SLC1A7: variants seen among roughly 807,000 people sequenced by gnomAD.
SLC1A7 encodes solute carrier family 1 member 7, also known as excitatory amino acid transporter 5.
Under a neutral mutation model 47.7 loss-of-function variants are expected in SLC1A7, and 40 were observed. That is an observed-to-expected ratio of 0.84 (90% CI 0.65 to 1.09). The LOEUF is 1.09. Ranked by LOEUF, SLC1A7 falls within the 50% of genes least tolerant of loss-of-function variation. The pLI is 0.00. For missense variants in SLC1A7, 746 were observed against 769.5 expected, an observed-to-expected ratio of 0.97 and a Z score of 0.36; for synonymous variants, 323 against 325.6, an observed-to-expected ratio of 0.99 and a Z score of 0.09.
chr1:53,095,406 C>A (rs2150317425), intron 5 of SLC1A7, among the ~76,000 whole-genome samples: 1 of 152,000 alleles, frequency 6.6e-6, no homozygotes, highest in Middle Eastern at 3.4e-3. Context: ...CCACACCCTG[C>A]CTTGGTACAC....
In SLC1A7 at chr1:53,141,894, G is replaced by A. The variant is rs548026242; in HGVS notation, c.135+421C>T. 4.6e-5 allele frequency among the ~76,000 whole-genome samples: 7 copies of A among 152,138 alleles called. No homozygotes were observed. In the South Asian group the frequency reaches 6.2e-4, roughly 14 times the overall value. On this transcript the variant is annotated intron_variant, in intron 1 of 10. Transcript: ENST00000371494. ...ATGGGCCTGCTGGCCTCTGCGCTCC[G>A]GCCGCTGCACCTGGCATCTGCTGTC...
At chr1:53,134,625 C>A (rs140652714) in intron 1 of SLC1A7, among the ~76,000 whole-genome samples, 196 bp from the exon 2 acceptor site, 1 of 152,132 alleles carries the variant, frequency 6.6e-6, no homozygotes, top group African/African-American at 2.4e-5. Flanking sequence ...CTCCACCAAT[C>A]CCCCACAAGC....
At chr1:53,097,358 C>A (rs1644507318) in intron 5 of SLC1A7, among the ~76,000 whole-genome samples, 1 of 128,546 alleles carries the variant, frequency 7.8e-6, no homozygotes, top group South Asian at 2.6e-4. Flanking sequence ...TGTACTCACA[C>A]ACACCCCCTC....
chr1:53,111,031 G>A (rs1644696242), intron 3 of SLC1A7, among the ~76,000 whole-genome samples: 1 of 152,194 alleles, frequency 6.6e-6, no homozygotes, highest in Non-Finnish European at 1.5e-5. Flanking sequence ...AGGTTAAAGA[G>A]CCAGGCTTCA....
intron 6 of SLC1A7, 82 bp downstream of exon 6, chr1:53,093,379 A>T: frequency 8.9e-7 from 1 of 1,122,164 alleles, no homozygotes; most frequent in Non-Finnish European, 1.3e-6. Context: ...TGCTCACTTT[A>T]CGGGAGAAGA....
At chr1:53,096,135 A>G (rs538220661) in intron 5 of SLC1A7, among the ~76,000 whole-genome samples, 34 of 143,556 alleles carry the variant, frequency 2.4e-4, no homozygotes, top group African/African-American at 7.3e-4. Flanking sequence ...ACCTCAGTAC[A>G]TTCACCCCGC....
chr1:53,117,480 A>G (rs993996216), intron 2 of SLC1A7, among the ~76,000 whole-genome samples: 1 of 152,194 alleles, frequency 6.6e-6, no homozygotes, highest in African/African-American at 2.4e-5. Context: ...CTAAGAACTC[A>G]CCAATGCAGA....
At chr1:53,094,467 T>C (rs1399485183) in intron 5 of SLC1A7, among the ~76,000 whole-genome samples, 1 of 152,168 alleles carries the variant, frequency 6.6e-6, no homozygotes, top group Non-Finnish European at 1.5e-5. Context: ...TGAGGCCCAC[T>C]GTCATGGTGC....
chr1:53,123,645 A>T (rs562338889), intron 2 of SLC1A7, among the ~76,000 whole-genome samples: 1 of 152,202 alleles, frequency 6.6e-6, no homozygotes, highest in Non-Finnish European at 1.5e-5. Flanking sequence ...GGCCTCCCAG[A>T]GGAGGGCACA....
intron 2 of SLC1A7, among the ~76,000 whole-genome samples, chr1:53,129,456 TTGTGACAGATGAA>T (rs1644916700): frequency 5.7e-5 from 7 of 123,758 alleles, no homozygotes; most frequent in South Asian, 2.5e-4. Flanking sequence ...CCCCGCCACA[TTGTGACAGATGAA>T]GCCACCACTG....
Position 53,089,885 on chromosome 1 carries a change from C to G in SLC1A7, c.1276G>C (p.Gly426Arg). ...AGCACGATGACCATGGTGACGAGGC[C>G]GGCCTGGGGGATGCCAGCTGCCCCA... ...SIGAAGIPQA[G>R]LVTMVIVLTS... The change falls in exon 9 of 11, where the codon GGC (glycine) becomes CGC (arginine). Residue 426 changes from glycine to arginine, a missense_variant. By Grantham distance (125) the Gly-to-Arg change is moderately radical. Transcript: ENST00000371494. The G allele has an allele frequency of 6.2e-7, 1 of 1,613,780 alleles. No homozygotes were observed. The highest frequency in any genetic ancestry group is 8.5e-7 in the Non-Finnish European group (1 of 1,179,956).
intron 5 of SLC1A7, among the ~76,000 whole-genome samples, chr1:53,101,237 C>T (rs1001203739): frequency 9.7e-5 from 14 of 144,906 alleles, no homozygotes; most frequent in African/African-American, 1.3e-4. Context: ...CATACCCACA[C>T]GCACTGCCTC....
intron 3 of SLC1A7, among the ~76,000 whole-genome samples, chr1:53,106,118 G>A (rs1644637511): frequency 6.6e-6 from 1 of 151,874 alleles, no homozygotes; most frequent in Non-Finnish European, 1.5e-5. Context: ...AGACCCTGCG[G>A]CCCTTCTGTG....
At chr1:53,089,738 C>G in intron 9 of SLC1A7, 62 bp downstream of exon 9, 1 of 1,570,810 alleles carries the variant, frequency 6.4e-7, no homozygotes, top group East Asian at 2.2e-5. Context: ...TCACCCTGAT[C>G]CCTGCTGACC....
At chr1:53,132,280 A>T (rs1296944253) in intron 2 of SLC1A7, among the ~76,000 whole-genome samples, 1 of 152,184 alleles carries the variant, frequency 6.6e-6, no homozygotes, top group Non-Finnish European at 1.5e-5. Context: ...GGACGGGGAC[A>T]AGAAGTGAGG....
chr1:53,100,458 C>T (rs1644561040), intron 5 of SLC1A7, among the ~76,000 whole-genome samples: 1 of 151,568 alleles, frequency 6.6e-6, no homozygotes, highest in African/African-American at 2.4e-5. Flanking sequence ...TCGGTCCACT[C>T]ATACACACTG....
chr1:53,115,086 A>G, intron 2 of SLC1A7, 113 bp from the exon 3 acceptor site: 1 of 765,172 alleles, frequency 1.3e-6, no homozygotes, highest in Non-Finnish European at 2.2e-6. Flanking sequence ...TGCTCCAGGG[A>G]ACCCCATTCT....
chr1:53,112,921 G>A lies in SLC1A7; in HGVS notation c.431+1837C>T, dbSNP rs75919902. Reference sequence around the variant, plus strand: ...AGAAGTAGTCCTGGAGAGACACAACGAGGGAGCACCTGCTCCAGCTCACCC... The same window carrying A: ...AGAAGTAGTCCTGGAGAGACACAACAAGGGAGCACCTGCTCCAGCTCACCC... On this transcript the variant is annotated intron_variant, in intron 3 of 10. Transcript: ENST00000371494. Among the ~76,000 whole-genome samples, 328 of 152,228 alleles carry A rather than the reference G, an allele frequency of 2.2e-3. 2 individuals are homozygous for A. The highest frequency in any genetic ancestry group is 7.4e-3 in the African/African-American group (307 of 41,544).
intron 2 of SLC1A7, among the ~76,000 whole-genome samples, chr1:53,116,421 G>T (rs553403976): frequency 1.3e-5 from 2 of 152,314 alleles, no homozygotes; most frequent in East Asian, 1.9e-4. Context: ...TGCTGGGTCC[G>T]CAGTTTGGTA....
Sources: allele counts gnomAD v4.1 joint callset (sites outside exome capture counted in the v4.1 genomes callset), GRCh38; gene constraint gnomAD v4.1.1; transcripts MANE v1.5; gene names NCBI Gene and HGNC (gene_info 2026-07-23, HGNC 2026-07-21).